GEMIN5: variants seen among roughly 807,000 people sequenced by gnomAD.
GEMIN5 encodes the protein gem nuclear organelle associated protein 5.
In GEMIN5, 124 loss-of-function variants were observed where a neutral mutation model predicts 176.9. The observed-to-expected ratio is 0.70, with a 90% CI of 0.61 to 0.81. The LOEUF is 0.81. Ranked by LOEUF, GEMIN5 falls within the 40% of genes least tolerant of loss-of-function variation. The probability of loss-of-function intolerance (pLI) is 0.00; values close to 1 mark genes in which losing one functional copy is unlikely to be tolerated. For synonymous variants in GEMIN5, 673 were observed against 665.2 expected (o/e 1.01, Z -0.18); for missense variants, 1,843 against 1,814.6 (o/e 1.02, Z -0.28).
intron 14 of GEMIN5, 106 bp downstream of exon 14, chr5:154,912,790 AGAT>A: frequency 1.1e-6 from 1 of 903,712 alleles, no homozygotes. Flanking sequence ...CTCCTTCAGT[AGAT>A]GATGATAATG....
intron 27 of GEMIN5, 74 bp downstream of exon 27, chr5:154,889,245 CTT>C: frequency 1.3e-6 from 1 of 768,822 alleles, no homozygotes; most frequent in Non-Finnish European, 2.4e-6. Flanking sequence ...GGTAGCTGAC[CTT>C]TATAAGAATG....
chr5:154,912,778 A>G, intron 14 of GEMIN5, 121 bp downstream of exon 14: 2 of 828,998 alleles, frequency 2.4e-6, no homozygotes, highest in Admixed American at 2.8e-5. Flanking sequence ...AGCCCAGAAA[A>G]TCTCCTTCAG....
At chr5:154,932,589 T>A (rs554360831) in intron 3 of GEMIN5, among the ~76,000 whole-genome samples, 1 of 152,122 alleles carries the variant, frequency 6.6e-6, no homozygotes, top group South Asian at 2.1e-4. Context: ...CTCTTCTTTT[T>A]TCCTTCTCTG....
chr5:154,892,128 C>T (rs528137173), intron 25 of GEMIN5, among the ~76,000 whole-genome samples: 85 of 152,202 alleles, frequency 5.6e-4, no homozygotes, highest in Non-Finnish European at 1.1e-3. Flanking sequence ...TTCTTACTAA[C>T]ATGTAACTAC....
At position 154,912,938 on chromosome 5, in the gene GEMIN5, A is replaced by C; in HGVS notation, c.1956T>G (p.Asp652Glu). Residue 652 changes from aspartate to glutamate, a missense_variant, in exon 14 of 28, where the codon GAT becomes GAG. Coordinates refer to ENST00000285873, the MANE Select transcript of GEMIN5 (RefSeq NM_015465.5). Reference sequence around the variant, plus strand: ...CATAGGAAGCAGATACCAGCCTTCCATCATGATGTGGGCTCCACGCCACAC... The same window carrying C: ...CATAGGAAGCAGATACCAGCCTTCCCTCATGATGTGGGCTCCACGCCACAC... ...ITSVAWSPHH[D>E]GRLVSASYDG... is the part of the protein sequence containing the mutation. 1 of 1,614,040 alleles carries C rather than the reference A, an allele frequency of 6.2e-7. No individual in the cohort carries two copies. Among genetic ancestry groups the C allele is most frequent in the Non-Finnish European group, 8.5e-7 (1 of 1,179,904 alleles).
Position 154,918,014 on chromosome 5 carries a change from A to AAAAC in GEMIN5, c.1600-14_1600-11dup, listed in dbSNP as rs754966857. On this transcript the variant is annotated splice_polypyrimidine_tract_variant and intron_variant, in intron 11 of 27. Coordinates refer to ENST00000285873, the MANE Select transcript of GEMIN5 (RefSeq NM_015465.5). ...GTACAGGCAATTTGTACTAGAAAGC[A>AAAAC]AAACAAACCAATCTTGACTATATAC... The AAAAC allele has an allele frequency of 1.9e-6, 3 of 1,578,480 alleles. No homozygotes were observed. The South Asian group carries it at 3.3e-5, about 17-fold the overall frequency.
rs1381832540 is a variant in GEMIN5, at chr5:154,927,543, GT to G, written c.921del (p.Glu307AspfsTer55). The G allele has an allele frequency of 6.3e-7, 1 of 1,592,226 alleles. No homozygotes were observed. Among genetic ancestry groups the G allele is most frequent in the Non-Finnish European group, 8.6e-7 (1 of 1,163,156 alleles). Reference sequence around the variant, plus strand: ...GATTGAGTGAGATCCCATTGCAACAGTTCACCTCTGTGAAGGAAAAACATAA... The same window carrying G: ...GATTGAGTGAGATCCCATTGCAACAGTCACCTCTGTGAAGGAAAAACATAA... ...TQLVSSCFGG[E>X]LLQWDLTQSW... is the part of the protein sequence containing the mutation. On this transcript the variant is annotated frameshift_variant, in exon 7 of 28. Transcript: ENST00000285873. LOFTEE classifies it high-confidence loss of function.
Position 154,896,353 on chromosome 5 carries a change from GACA to G in GEMIN5, c.3346-13_3346-11del. On this transcript the variant is annotated splice_polypyrimidine_tract_variant and intron_variant, in intron 23 of 27. Transcript: ENST00000285873. Reference sequence around the variant, plus strand: ...ACACCAATCTCTGACCCTGGAACACGACAACAAGGAAGAGGAACTGTTATACAG... The same window carrying G: ...ACACCAATCTCTGACCCTGGAACACGACAAGGAAGAGGAACTGTTATACAG... The G allele has an allele frequency of 9.0e-6, 14 of 1,553,816 alleles. No homozygotes were observed. The highest frequency in any genetic ancestry group is 3.7e-5 in the South Asian group (3 of 80,674).
chr5:154,912,873 C>A, intron 14 of GEMIN5, 26 bp downstream of exon 14: 1 of 1,599,194 alleles, frequency 6.3e-7, no homozygotes, highest in South Asian at 1.1e-5. Flanking sequence ...AGTGAAGGAC[C>A]CACAGGGACA....
At position 154,911,375 on chromosome 5, in the gene GEMIN5, T is replaced by C. The variant is rs144738249; in HGVS notation, c.2167+352A>G. On this transcript the variant is annotated intron_variant, in intron 15 of 27. Coordinates refer to ENST00000285873, the MANE Select transcript of GEMIN5 (RefSeq NM_015465.5). ...AAAAACACAAAAAAATTAGCCAGCA[T>C]GGTAGTGCGCACCTGTAGTCCCAGC... Among the ~76,000 whole-genome samples, 790 of 152,156 alleles carry C rather than the reference T, an allele frequency of 5.2e-3. 5 individuals are homozygous for C. Among genetic ancestry groups the C allele is most frequent in the African/African-American group, 0.018 (741 of 41,524 alleles).
In GEMIN5 at chr5:154,921,372, C is replaced by T; in HGVS notation, c.1433G>A (p.Trp478Ter). 6.7e-7 allele frequency: 1 copy of T among 1,485,746 alleles called. No homozygotes were observed. The highest frequency in any genetic ancestry group is 1.8e-5 in the Admixed American group (1 of 56,534). 92.0% of individuals were successfully genotyped at this position (1,485,746 alleles called of 1,614,324 possible). ...YHKKTVYTLAWGPPVPPMSLG... is the reference protein window; with the variant it reads ...YHKKTVYTLA ...TGACATGGGGGGTACTGGTGGCCCC[C>T]AGGCTAAAGTATATACAGTCTTCTT... Residue 478 changes from tryptophan (W) to a stop codon, truncating the protein, a stop_gained, in exon 10 of 28, where the codon TGG becomes TAG. Transcript: ENST00000285873. LOFTEE classifies it high-confidence loss of function.
At chr5:154,923,020 G>A (rs923074124) in intron 9 of GEMIN5, among the ~76,000 whole-genome samples, 44 of 152,162 alleles carry the variant, frequency 2.9e-4, no homozygotes, top group East Asian at 9.7e-4. Flanking sequence ...TTTTTTGAGA[G>A]TTAAAAAAGG....
intron 11 of GEMIN5, among the ~76,000 whole-genome samples, chr5:154,918,563 CCA>C (rs1398427756): frequency 6.6e-6 from 1 of 152,168 alleles, no homozygotes; most frequent in Non-Finnish European, 1.5e-5. Flanking sequence ...AACCTCTGAT[CCA>C]CACATTCAAG....
In GEMIN5 at chr5:154,911,805, A is replaced by T; in HGVS notation, c.2089T>A (p.Cys697Ser). ...AAGTCATCTGCCCCTGAATAGATGCAGTCTGGATCCAAAGGAGACCATGCC... is the reference window on the plus strand; with the variant it reads ...AAGTCATCTGCCCCTGAATAGATGCTGTCTGGATCCAAAGGAGACCATGCC... ...CVAWSPLDPD[C>S]IYSGADDFCV... Residue 697 changes from cysteine (C) to serine (S), a missense_variant, in exon 15 of 28, where the codon TGC becomes AGC. By Grantham distance (112) the Cys-to-Ser change is moderately radical (BLOSUM62 -1). Coordinates refer to ENST00000285873, the MANE Select transcript of GEMIN5 (RefSeq NM_015465.5). 2 of 1,613,876 alleles carry T rather than the reference A, an allele frequency of 1.2e-6. No homozygotes were observed. The highest frequency in any genetic ancestry group is 1.7e-5 in the Admixed American group (1 of 60,018).
intron 5 of GEMIN5, among the ~76,000 whole-genome samples, chr5:154,929,793 T>C (rs1393612594): frequency 6.6e-6 from 1 of 152,246 alleles, no homozygotes; most frequent in East Asian, 1.9e-4. Flanking sequence ...CTACCACTGA[T>C]GAAGCCTGGA....
At chr5:154,919,716 G>A (rs576244673) in intron 11 of GEMIN5, among the ~76,000 whole-genome samples, 1 of 152,060 alleles carries the variant, frequency 6.6e-6, no homozygotes. Context: ...TTTTTCAGTA[G>A]TTCTTTTTTG....
At chr5:154,922,751 C>G (rs1763949667) in intron 9 of GEMIN5, among the ~76,000 whole-genome samples, 1 of 147,476 alleles carries the variant, frequency 6.8e-6, no homozygotes, top group East Asian at 2.0e-4. Context: ...GGCTGGAGCA[C>G]AGTGGCACGA....
rs760050668 is a variant in GEMIN5 at position 154,924,434 on chromosome 5, G to A, written c.1379+35C>T. ...GGGGTGGCCAACCTTTTGGCTCCCC[G>A]GGCCACAATGGAAGAAGAATCACCC... On this transcript the variant is annotated intron_variant, in intron 9 of 27. Transcript: ENST00000285873. 1.1e-5 allele frequency: 16 copies of A among 1,394,392 alleles called. No individual in the cohort carries two copies. The African/African-American group carries it at 1.4e-4, about 12-fold the overall frequency. The allele number at this position is 1,394,392 out of a possible 1,614,324, so 86.4% of individuals were successfully genotyped here.
At chr5:154,934,217 G>T (rs1384492955) in intron 3 of GEMIN5, among the ~76,000 whole-genome samples, 1 of 151,738 alleles carries the variant, frequency 6.6e-6, no homozygotes, top group South Asian at 2.1e-4. Flanking sequence ...ACAGAGTTTC[G>T]CTCTTGTTGC....
Sources: allele counts gnomAD v4.1 joint callset (sites outside exome capture counted in the v4.1 genomes callset), GRCh38; gene constraint gnomAD v4.1.1; transcripts MANE v1.5; gene names NCBI Gene and HGNC (gene_info 2026-07-23, HGNC 2026-07-21).